The following SLC2A9 variants were observed in gnomAD, a reference collection of about 807,000 sequenced individuals.
SLC2A9 encodes solute carrier family 2 member 9, also known as solute carrier family 2, facilitated glucose transporter member 9.
Under a neutral mutation model 50.6 loss-of-function variants are expected in SLC2A9, and 39 were observed. That is an observed-to-expected ratio of 0.77 (90% CI 0.60 to 1.01). SLC2A9 has a LOEUF of 1.01. SLC2A9 is among the 50% of genes least tolerant of loss of function. SLC2A9 has a pLI of 0.00. For synonymous variants in SLC2A9, 324 were observed against 276.9 expected (o/e 1.17, Z -1.69); for missense variants, 686 against 677.6 (o/e 1.01, Z -0.14).
chr4:9,884,143 C>CT (rs2109687103), intron 10 of SLC2A9, among the ~76,000 whole-genome samples: 1 of 152,246 alleles, frequency 6.6e-6, no homozygotes, highest in East Asian at 1.9e-4. Context: ...AAGCTTCTGT[C>CT]ATTCAGAGAC....
intron 8 of SLC2A9, among the ~76,000 whole-genome samples, chr4:9,896,552 C>T (rs1490947170): frequency 6.6e-6 from 1 of 152,146 alleles, no homozygotes; most frequent in Admixed American, 6.5e-5. Context: ...CTGTGACTTA[C>T]CTTTTTATCT....
intron 5 of SLC2A9, among the ~76,000 whole-genome samples, chr4:9,951,114 A>T (rs1456148191): frequency 6.6e-6 from 1 of 152,240 alleles, no homozygotes. Context: ...TGGATGAATA[A>T]AGAAACTTTG....
chr4:10,009,227 C>G (rs1447840654), intron 2 of SLC2A9, among the ~76,000 whole-genome samples: 1 of 152,182 alleles, frequency 6.6e-6, no homozygotes, highest in East Asian at 1.9e-4. Context: ...TCAGGCCACA[C>G]CAGAGGCACC....
intron 3 of SLC2A9, among the ~76,000 whole-genome samples, chr4:9,781,492 C>T (rs1718358666): frequency 6.6e-6 from 1 of 152,162 alleles, no homozygotes; most frequent in African/African-American, 2.4e-5. Context: ...GCCCCTCGGA[C>T]CTGCGGGATC....
intron 8 of SLC2A9, among the ~76,000 whole-genome samples, chr4:9,907,758 T>A (rs112924107): frequency 3.9e-5 from 6 of 152,298 alleles, no homozygotes; most frequent in African/African-American, 1.4e-4. Flanking sequence ...AAAAGGAAGA[T>A]GACAGGGAAG....
At chr4:9,892,012 G>A (rs1315421225) in intron 8 of SLC2A9, among the ~76,000 whole-genome samples, 1 of 152,222 alleles carries the variant, frequency 6.6e-6, no homozygotes, top group African/African-American at 2.4e-5. Context: ...CTCCACAATG[G>A]AACCCAGCTG....
At chr4:9,948,519 T>C (rs1214443230) in intron 5 of SLC2A9, among the ~76,000 whole-genome samples, 2 of 152,202 alleles carry the variant, frequency 1.3e-5, no homozygotes, top group African/African-American at 4.8e-5. Flanking sequence ...TTACTGGCTG[T>C]GGACCACAGC....
chr4:10,004,593 G>C (rs2109361654), intron 2 of SLC2A9, among the ~76,000 whole-genome samples: 1 of 152,354 alleles, frequency 6.6e-6, no homozygotes, highest in South Asian at 2.1e-4. Flanking sequence ...ATGGAGCAGA[G>C]TGTTCCTGCT....
At chr4:9,867,923 C>A (rs998765902) in intron 10 of SLC2A9, among the ~76,000 whole-genome samples, 1 of 152,188 alleles carries the variant, frequency 6.6e-6, no homozygotes, top group Non-Finnish European at 1.5e-5. Flanking sequence ...TGCGTGCCCC[C>A]CCCACCCGAG....
intron 10 of SLC2A9, among the ~76,000 whole-genome samples, chr4:9,877,257 G>C (rs1734454800): frequency 6.6e-6 from 1 of 152,200 alleles, no homozygotes; most frequent in Non-Finnish European, 1.5e-5. Flanking sequence ...CAACAAGTAA[G>C]AATGTGCCCG....
intron 5 of SLC2A9, among the ~76,000 whole-genome samples, chr4:9,952,677 A>T (rs931900285): frequency 4.6e-5 from 7 of 151,906 alleles, no homozygotes; most frequent in Admixed American, 6.6e-5. Flanking sequence ...GGCATGCACC[A>T]CCAAGGCCAG....
chr4:9,839,752 C>T (rs1458301502), intron 10 of SLC2A9, among the ~76,000 whole-genome samples: 1 of 152,042 alleles, frequency 6.6e-6, no homozygotes, highest in Non-Finnish European at 1.5e-5. Flanking sequence ...TACATTTTCT[C>T]ACTTATAAAT....
At chr4:9,938,743 T>C in intron 6 of SLC2A9, among the ~76,000 whole-genome samples, 1 of 152,232 alleles carries the variant, frequency 6.6e-6, no homozygotes, top group East Asian at 1.9e-4. Flanking sequence ...GGCAAGCTAC[T>C]CAGCCTCTGA....
chr4:9,886,447 TG>T (rs1736262986), intron 10 of SLC2A9, among the ~76,000 whole-genome samples: 1 of 150,318 alleles, frequency 6.7e-6, no homozygotes, highest in African/African-American at 2.4e-5. Context: ...TGTGTGTGTG[TG>T]TGTGTGTGTG....
chr4:9,997,055 G>C (rs1758806465), intron 2 of SLC2A9, 114 bp from the exon 3 acceptor site: 2 of 1,262,124 alleles, frequency 1.6e-6, no homozygotes, highest in South Asian at 2.4e-5. Flanking sequence ...ATAGCACTTT[G>C]CTAATTTGTT....
chr4:9,772,194 C>G (rs1560263952), intron 1 of SLC2A9, among the ~76,000 whole-genome samples: 2 of 152,242 alleles, frequency 1.3e-5, no homozygotes, highest in Middle Eastern at 3.4e-3. Context: ...ACCTGCCCAA[C>G]AGCTCTGGCA....
At chr4:9,936,269 T>G (rs1375548830) in intron 6 of SLC2A9, among the ~76,000 whole-genome samples, 1 of 152,218 alleles carries the variant, frequency 6.6e-6, no homozygotes. Context: ...CTGATATCCA[T>G]GATCTGATAT....
chr4:9,981,381 T>C lies in SLC2A9; in HGVS notation c.536-644A>G, dbSNP rs1328971672. ...GTGGTGATGGTGGTCACAATGATAA[T>C]AGCCAATACACATAGTGGCTACCAA... On this transcript the variant is annotated intron_variant, in intron 4 of 11. Transcript: ENST00000264784. Among the ~76,000 whole-genome samples, 3 of 136,146 alleles carry C rather than the reference T, an allele frequency of 2.2e-5. No individual in the cohort carries two copies. In the East Asian group the frequency reaches 6.5e-4, roughly 30 times the overall value. 89.3% of individuals were successfully genotyped at this position (136,146 alleles called of 152,430 possible). A position where few individuals can be genotyped will look rare whatever the true frequency, so the allele number is the denominator to read the frequency against.
At chr4:9,776,897 C>G (rs1417240490), downstream of SLC2A9, among the ~76,000 whole-genome samples, 1 of 152,146 alleles carries the variant, frequency 6.6e-6, no homozygotes, top group Non-Finnish European at 1.5e-5. Flanking sequence ...CATACCTCTC[C>G]CTCCCGTGGC....
Sources: allele counts gnomAD v4.1 joint callset (sites outside exome capture counted in the v4.1 genomes callset), GRCh38; gene constraint gnomAD v4.1.1; transcripts MANE v1.5; gene names NCBI Gene and HGNC (gene_info 2026-07-23, HGNC 2026-07-21).